Variants in DUSP8 observed in about 807,000 individuals in gnomAD.
DUSP8 encodes the protein dual specificity phosphatase 8, also known as dual specificity protein phosphatase 8.
DUSP8 carries 15 observed loss-of-function variants against 38.7 expected under a neutral mutation model. The ratio of observed to expected loss-of-function variants is 0.39; its 90% confidence interval spans 0.26 to 0.60. DUSP8 has a LOEUF of 0.60. Among genes scored for constraint, DUSP8 ranks in the 20% least tolerant of loss-of-function variants. The probability of loss-of-function intolerance (pLI) is 0.56; values close to 1 mark genes in which losing one functional copy is unlikely to be tolerated. For missense variants in DUSP8, 768 were observed against 915.0 expected (o/e 0.84, Z 2.07); for synonymous variants, 458 against 433.9 (o/e 1.06, Z -0.69).
intron 3 of DUSP8, 68 bp from the exon 4 acceptor site, chr11:1,559,123 T>C: frequency 6.7e-7 from 1 of 1,502,100 alleles, no homozygotes; most frequent in East Asian, 2.4e-5. Context: ...TAGGGTGCCC[T>C]GTCCGCCTAG....
intron 1 of DUSP8, among the ~76,000 whole-genome samples, chr11:1,566,413 A>G (rs1848805151): frequency 3.3e-5 from 5 of 151,980 alleles, no homozygotes. Flanking sequence ...AGCCCCAGGG[A>G]GTCCAATCCC....
At chr11:1,562,943 G>C (rs1163397556) in intron 3 of DUSP8, among the ~76,000 whole-genome samples, 1 of 152,178 alleles carries the variant, frequency 6.6e-6, no homozygotes, top group Non-Finnish European at 1.5e-5. Flanking sequence ...CATGTCGGGA[G>C]GTCGGCCTGG....
At chr11:1,560,765 A>C (rs1313070835) in intron 3 of DUSP8, among the ~76,000 whole-genome samples, 3 of 152,124 alleles carry the variant, frequency 2.0e-5, no homozygotes, top group Admixed American at 2.0e-4. Flanking sequence ...GAAGGGCTGC[A>C]CCACTTCTCT....
At position 1,563,831 on chromosome 11, in the gene DUSP8, G is replaced by A. The variant is rs1449861274; in HGVS notation, c.370+20C>T. Reference sequence around the variant, plus strand: ...GCTGGCGGAGCAAGTGCCTCGGGGAGGCGTGGGTCATGGACTCACCAGTGA... The same window carrying A: ...GCTGGCGGAGCAAGTGCCTCGGGGAAGCGTGGGTCATGGACTCACCAGTGA... On this transcript the variant is annotated intron_variant, in intron 3 of 6. Transcript: ENST00000397374. 3 of 1,463,094 alleles carry A rather than the reference G, an allele frequency of 2.1e-6. No individual in the cohort carries two copies. The highest frequency in any genetic ancestry group is 2.6e-5 in the East Asian group (1 of 38,982). The allele number at this position is 1,463,094 out of a possible 1,614,324, so 90.6% of individuals were successfully genotyped here. A position where few individuals can be genotyped will look rare whatever the true frequency, so the allele number is the denominator to read the frequency against.
intron 1 of DUSP8, among the ~76,000 whole-genome samples, chr11:1,566,781 G>A (rs1281057788): frequency 6.6e-6 from 1 of 152,162 alleles, no homozygotes; most frequent in African/African-American, 2.4e-5. Flanking sequence ...GAGGGTCAGT[G>A]TCGGGGACCC....
chr11:1,563,475 G>A (rs1251421363), intron 3 of DUSP8, among the ~76,000 whole-genome samples: 1 of 152,062 alleles, frequency 6.6e-6, no homozygotes, highest in Non-Finnish European at 1.5e-5. Context: ...CAGGCAACCT[G>A]CACTCAGCTG....
In DUSP8 at chr11:1,558,453, C is replaced by G. The variant is rs1224328769; in HGVS notation, c.538-182G>C. 6.6e-6 allele frequency among the ~76,000 whole-genome samples: 1 copy of G among 152,150 alleles called. No homozygotes were observed. The highest frequency in any genetic ancestry group is 1.5e-5 in the Non-Finnish European group (1 of 67,990). ...GAGGCCTCTCTGGTCCACCCTGGCA[C>G]CCTGGGCCCGTGCGGGGGGTGGGGC... On this transcript the variant is annotated intron_variant, in intron 4 of 6. Coordinates refer to ENST00000397374, the MANE Select transcript of DUSP8 (RefSeq NM_004420.3). This position sits in a 1 kb window ranked among gnomAD's most constrained non-coding sequence, Gnocchi z 6.3.
Position 1,558,108 on chromosome 11 carries a change from T to G in DUSP8, c.697+4A>C, listed in dbSNP as rs1278870237. The G allele has an allele frequency of 6.2e-7, 1 of 1,611,938 alleles. No homozygotes were observed. Among genetic ancestry groups the G allele is most frequent in the Non-Finnish European group, 8.5e-7 (1 of 1,179,844 alleles). On this transcript the variant is annotated splice_donor_region_variant and intron_variant, in intron 5 of 6. Transcript: ENST00000397374. This position sits in a 1 kb window ranked among gnomAD's most constrained non-coding sequence, Gnocchi z 6.3. ...TCCCTGCCCTCCGCCCACCGCAGAC[T>G]CACCGATGAACTCGATGGACTTGTC... is the stretch of plus-strand genomic sequence containing the variant.
At position 1,556,974 on chromosome 11, in the gene DUSP8, CAGGCCG is replaced by C; in HGVS notation, c.1416_1421del (p.Gly473_Leu474del). 1 of 1,042,608 alleles carries C rather than the reference CAGGCCG, an allele frequency of 9.6e-7. No individual in the cohort carries two copies. Among genetic ancestry groups the C allele is most frequent in the Non-Finnish European group, 1.1e-6 (1 of 869,640 alleles). 64.6% of individuals were successfully genotyped at this position (1,042,608 alleles called of 1,614,324 possible). On this transcript the variant is annotated inframe_deletion, in exon 7 of 7. Coordinates refer to ENST00000397374, the MANE Select transcript of DUSP8 (RefSeq NM_004420.3). The surrounding 1 kb of genome is among the most constrained non-coding windows in gnomAD (Gnocchi z 5.2). ...TCTGCCGGGCCGCATCGCCGAAGTT[CAGGCCG>C]AGGCTGTGCGCGGGGGAGCGCGCGG... is the stretch of plus-strand genomic sequence containing the variant.
At chr11:1,566,763 C>T (rs942624622) in intron 1 of DUSP8, among the ~76,000 whole-genome samples, 1 of 152,156 alleles carries the variant, frequency 6.6e-6, no homozygotes, top group Non-Finnish European at 1.5e-5. Context: ...GCGGGGCAGC[C>T]CTGGGAGGAG....
intron 3 of DUSP8, among the ~76,000 whole-genome samples, chr11:1,563,513 G>A (rs1355575178): frequency 2.6e-5 from 4 of 152,076 alleles, no homozygotes; most frequent in Non-Finnish European, 5.9e-5. Flanking sequence ...GGACTTCCTC[G>A]GGACCCCACG....
At chr11:1,564,578 C>G (rs1253442592) in intron 2 of DUSP8, among the ~76,000 whole-genome samples, 2 of 152,214 alleles carry the variant, frequency 1.3e-5, no homozygotes, top group Non-Finnish European at 2.9e-5. Context: ...TCCCCCACCC[C>G]AAGGGCCAGC....
Position 1,557,382 on chromosome 11 carries a change from C to T in DUSP8, c.1014G>A (p.Glu338=). ...PLPRLPPPTS[E]SAATGNAAAR... ...CAGCCGCATTCCCTGTGGCAGCGCT[C>T]TCTGAGGTAGGTGGTGGCAGCCGTG... Residue 338 remains glutamate (E), a synonymous_variant, in exon 7 of 7, where the codon GAG becomes GAA. Coordinates refer to ENST00000397374, the MANE Select transcript of DUSP8 (RefSeq NM_004420.3). The surrounding 1 kb of genome is among the most constrained non-coding windows in gnomAD (Gnocchi z 9.9). 6 of 1,571,338 alleles carry T rather than the reference C, an allele frequency of 3.8e-6. No homozygotes were observed. The highest frequency in any genetic ancestry group is 4.3e-6 in the Non-Finnish European group (5 of 1,169,862).
chr11:1,556,544 T>TGACAG lies in DUSP8; in HGVS notation c.1851_1852insCTGTC (p.Ser618LeufsTer48). ...CAGGACACCTCGATGACCTCCACGC[T>TGACAG]GCCCGAGAAGCTCGCCTGCTTGCCC... On this transcript the variant is annotated frameshift_variant, in exon 7 of 7. Transcript: ENST00000397374. LOFTEE classifies it high-confidence loss of function. The surrounding 1 kb of genome is among the most constrained non-coding windows in gnomAD (Gnocchi z 5.2). 7.2e-7 allele frequency: 1 copy of TGACAG among 1,385,244 alleles called. No homozygotes were observed. The highest frequency in any genetic ancestry group is 9.4e-7 in the Non-Finnish European group (1 of 1,065,830). The allele number at this position is 1,385,244 out of a possible 1,614,324, so 85.8% of individuals were successfully genotyped here. A position where few individuals can be genotyped will look rare whatever the true frequency, so the allele number is the denominator to read the frequency against.
rs1196048280 is a variant in DUSP8, at chr11:1,556,326, A to C, written c.*192T>G. 1 of 696,402 alleles carries C rather than the reference A, an allele frequency of 1.4e-6. No individual in the cohort carries two copies. The highest frequency in any genetic ancestry group is 3.4e-5 in the East Asian group (1 of 28,998). The allele number at this position is 696,402 out of a possible 1,614,324, so 43.1% of individuals were successfully genotyped here. ...TTCAGTTTAAATACCAGACAGTAAA[A>C]ATAGAGCTCGAGGACCACCCGCACT... On this transcript the variant is annotated 3_prime_UTR_variant, in exon 7 of 7. Coordinates refer to ENST00000397374, the MANE Select transcript of DUSP8 (RefSeq NM_004420.3). The surrounding 1 kb of genome is among the most constrained non-coding windows in gnomAD (Gnocchi z 5.2).
At chr11:1,567,261 G>T (rs920374482) in intron 1 of DUSP8, among the ~76,000 whole-genome samples, 6 of 152,156 alleles carry the variant, frequency 3.9e-5, no homozygotes, top group Non-Finnish European at 8.8e-5. Context: ...TGGGTAGCGG[G>T]CCCTCAGCAA....
At chr11:1,559,608 G>A (rs1163354912) in intron 3 of DUSP8, among the ~76,000 whole-genome samples, 1 of 152,202 alleles carries the variant, frequency 6.6e-6, no homozygotes, top group Non-Finnish European at 1.5e-5. Context: ...CAGGGCTTCC[G>A]AGAGGCCCTC....
intron 3 of DUSP8, chr11:1,559,359 T>C (rs1848684568): frequency 3.1e-6 from 1 of 327,732 alleles, no homozygotes; most frequent in East Asian, 5.9e-5. Context: ...TTGAGGTGGC[T>C]GGCCATCACG....
At chr11:1,567,564 TTGGCCCCTGCC>T (rs1222687405) in intron 1 of DUSP8, among the ~76,000 whole-genome samples, 2 of 152,240 alleles carry the variant, frequency 1.3e-5, no homozygotes, top group African/African-American at 4.8e-5. Flanking sequence ...CACTTCAAGC[TTGGCCCCTGCC>T]TGGCCCCTCC....
Sources: allele counts gnomAD v4.1 joint callset (sites outside exome capture counted in the v4.1 genomes callset), GRCh38; gene constraint gnomAD v4.1.1; non-coding constraint Gnocchi (gnomAD v3.1); transcripts MANE v1.5; gene names NCBI Gene and HGNC (gene_info 2026-07-23, HGNC 2026-07-21).